SGCZ: variants seen among roughly 807,000 people sequenced by gnomAD.
SGCZ encodes the protein sarcoglycan zeta.
A neutral mutation model predicts 41.3 loss-of-function variants in SGCZ; 40 were observed. The observed-to-expected ratio is 0.97, with a 90% confidence interval of 0.75 to 1.26. SGCZ has a LOEUF of 1.26. Ranked by LOEUF, SGCZ falls within the 50% of genes most tolerant of loss-of-function variation. SGCZ has a pLI of 0.00. For synonymous variants in SGCZ, 206 were observed against 137.5 expected (o/e 1.50, Z -3.49); for missense variants, 552 against 369.8 (o/e 1.49, Z -4.04).
chr8:14,509,561 A>G (rs959265482), intron 2 of SGCZ, among the ~76,000 whole-genome samples: 14 of 152,290 alleles, frequency 9.2e-5, no homozygotes, highest in Admixed American at 6.5e-4. Flanking sequence ...GTAAGCTAAT[A>G]GACTAGAAAT....
At chr8:14,605,842 C>T (rs1364830391) in intron 1 of SGCZ, among the ~76,000 whole-genome samples, 1 of 152,100 alleles carries the variant, frequency 6.6e-6, no homozygotes, top group Admixed American at 6.5e-5. Context: ...AAAGGAATAA[C>T]TGAACAGATG....
At chr8:14,153,032 G>A (rs1803757948) in intron 5 of SGCZ, among the ~76,000 whole-genome samples, 1 of 152,104 alleles carries the variant, frequency 6.6e-6, no homozygotes, top group Non-Finnish European at 1.5e-5. Flanking sequence ...GAGGGTGGAG[G>A]AAAAGGAGTG....
chr8:15,131,227 G>A (rs948501166), intron 1 of SGCZ, among the ~76,000 whole-genome samples: 7 of 152,122 alleles, frequency 4.6e-5, no homozygotes, highest in African/African-American at 1.7e-4. Context: ...TGTGGGAAGG[G>A]CCCAGTGGGA....
intron 1 of SGCZ, among the ~76,000 whole-genome samples, chr8:14,663,983 T>C (rs1807832009): frequency 1.3e-5 from 2 of 152,158 alleles, no homozygotes. Context: ...TTCCCTATTC[T>C]ACTGTGTCAG....
intron 1 of SGCZ, among the ~76,000 whole-genome samples, chr8:15,151,127 A>C (rs989560512): frequency 1.3e-5 from 2 of 152,246 alleles, no homozygotes; most frequent in African/African-American, 4.8e-5. Context: ...GAGGCTGTCT[A>C]TTCAGAGGAC....
chr8:14,687,620 G>C (rs1017142712), intron 1 of SGCZ, among the ~76,000 whole-genome samples: 1 of 151,832 alleles, frequency 6.6e-6, no homozygotes, highest in African/African-American at 2.4e-5. Context: ...TTGGTTCCAA[G>C]TCTTTGCTAT....
intron 4 of SGCZ, among the ~76,000 whole-genome samples, chr8:14,206,712 T>C (rs1255942602): frequency 1.3e-5 from 2 of 152,204 alleles, no homozygotes; most frequent in Non-Finnish European, 2.9e-5. Context: ...TACTGTATCC[T>C]GCTATAACTG....
chr8:14,836,531 C>G (rs138381103), intron 1 of SGCZ, among the ~76,000 whole-genome samples: 1 of 152,310 alleles, frequency 6.6e-6, no homozygotes, highest in East Asian at 1.9e-4. Flanking sequence ...CGGGGTCTCA[C>G]TCTGTTGCCC....
At chr8:14,534,363 A>G (rs1328911174) in intron 2 of SGCZ, among the ~76,000 whole-genome samples, 2 of 152,056 alleles carry the variant, frequency 1.3e-5, no homozygotes, top group Admixed American at 1.3e-4. Flanking sequence ...AACTTTTAAT[A>G]CATGAGAGGA....
At chr8:14,693,708 AG>A (rs1399368061) in intron 1 of SGCZ, among the ~76,000 whole-genome samples, 3 of 143,316 alleles carry the variant, frequency 2.1e-5, no homozygotes, top group African/African-American at 7.9e-5. Context: ...CTTCTCCCTC[AG>A]CCCCCCAAGT....
At chr8:14,284,312 G>C (rs34354815) in intron 3 of SGCZ, among the ~76,000 whole-genome samples, 28,188 of 152,246 alleles carry the variant, frequency 0.19, 2,989 homozygotes, top group African/African-American at 0.27. Flanking sequence ...AGGATGGCTT[G>C]AGTCCAGGAG....
At position 15,059,163 on chromosome 8, in the gene SGCZ, A is replaced by G. The variant is rs116701138; in HGVS notation, c.39+178422T>C. On this transcript the variant is annotated intron_variant, in intron 1 of 7. Coordinates refer to ENST00000382080, the MANE Select transcript of SGCZ (RefSeq NM_139167.4). ...TATTTTTCCATGAAAAAATATCTAC[A>G]ATTATACTCTTTCAGTATAGATATT... 2.3e-3 allele frequency among the ~76,000 whole-genome samples: 348 copies of G among 152,278 alleles called. 1 individual carries two copies. Among genetic ancestry groups the G allele is most frequent in the African/African-American group, 8.1e-3 (336 of 41,584 alleles).
chr8:14,219,745 C>CA (rs36172805), intron 4 of SGCZ, among the ~76,000 whole-genome samples: 3,284 of 145,906 alleles, frequency 0.023, 56 homozygotes, highest in Middle Eastern at 0.057. Context: ...GACTTCGTCT[C>CA]AAAAAAAAAA....
intron 1 of SGCZ, among the ~76,000 whole-genome samples, chr8:15,179,125 T>C (rs1242158440): frequency 6.6e-6 from 1 of 152,108 alleles, no homozygotes; most frequent in East Asian, 1.9e-4. Flanking sequence ...AAGACTAAAA[T>C]AGTAAATTTT....
chr8:15,050,041 G>A (rs145340291), intron 1 of SGCZ, among the ~76,000 whole-genome samples: 1 of 152,154 alleles, frequency 6.6e-6, no homozygotes, highest in Non-Finnish European at 1.5e-5. Context: ...ACAGTCAATA[G>A]TTGGGACTTT....
chr8:15,170,367 A>T (rs942090369), intron 1 of SGCZ, among the ~76,000 whole-genome samples: 8 of 152,046 alleles, frequency 5.3e-5, no homozygotes, highest in East Asian at 1.9e-4. Context: ...CAAAGATATA[A>T]AAAAAAAAGG....
In SGCZ at chr8:15,237,582, T is replaced by TA. The variant is rs1353092665; in HGVS notation, c.39+2dup. On this transcript the variant is annotated splice_region_variant and intron_variant, in intron 1 of 7. Transcript: ENST00000382080. ...CGCGAAGCCCGCCCGGACCCGCACG[T>TA]ACCTTGAGCTCCTCAATGTCCAGGT... 1.9e-6 allele frequency: 3 copies of TA among 1,589,136 alleles called. No individual in the cohort carries two copies. In the African/African-American group the frequency reaches 4.0e-5, roughly 21 times the overall value.
intron 2 of SGCZ, among the ~76,000 whole-genome samples, chr8:14,451,493 C>A (rs564111214): frequency 6.6e-6 from 1 of 151,896 alleles, no homozygotes; most frequent in Non-Finnish European, 1.5e-5. Context: ...AATGTGGAAC[C>A]GAATAATGAT....
intron 7 of SGCZ, among the ~76,000 whole-genome samples, chr8:14,101,964 G>T (rs1251382425): frequency 1.3e-5 from 2 of 151,638 alleles, no homozygotes; most frequent in African/African-American, 4.8e-5. Context: ...TATGAAGCAA[G>T]CTCCGCCTCC....
Sources: gnomAD v4.1 joint callset for allele counts (sites outside exome capture counted in the v4.1 genomes callset) on GRCh38, gnomAD v4.1.1 for gene constraint, MANE v1.5 for transcripts, NCBI Gene and HGNC (gene_info 2026-07-23, HGNC 2026-07-21) for gene names.